Variants in LCP2 observed in about 807,000 individuals in gnomAD.
The protein encoded by LCP2 is 76 kDa tyrosine phosphoprotein.
In LCP2, 29 loss-of-function variants were observed where a neutral mutation model predicts 74.5. The observed-to-expected ratio is 0.39, with a 90% CI of 0.29 to 0.53. The LOEUF (loss-of-function observed/expected upper bound fraction) is 0.53. Ranked by LOEUF, LCP2 falls within the 20% of genes least tolerant of loss-of-function variation. LCP2 has a pLI of 0.72. For synonymous variants in LCP2, 228 were observed against 229.5 expected (o/e 0.99, Z 0.06); for missense variants, 604 against 634.6 (o/e 0.95, Z 0.52).
Position 170,274,651 on chromosome 5 carries a change from C to T in LCP2, c.287-313G>A, listed in dbSNP as rs116280889. On this transcript the variant is annotated intron_variant, in intron 5 of 20. Coordinates refer to ENST00000046794, the MANE Select transcript of LCP2 (RefSeq NM_005565.5). ...GCCTACAGCTTCTGACTCAGTGGGA[C>T]AGGCTGGGCCCCAGGAATCTGCATT... Among the ~76,000 whole-genome samples, 213 of 152,260 alleles carry T rather than the reference C, an allele frequency of 1.4e-3. 1 individual carries two copies. The highest frequency in any genetic ancestry group is 4.9e-3 in the African/African-American group (204 of 41,548).
At chr5:170,257,601 G>A (rs1761578467) in intron 16 of LCP2, among the ~76,000 whole-genome samples, 1 of 152,096 alleles carries the variant, frequency 6.6e-6, no homozygotes, top group Non-Finnish European at 1.5e-5. Flanking sequence ...CTGCTACTGA[G>A]AAAACAGGGG....
chr5:170,267,249 CT>C, intron 8 of LCP2, 174 bp from the exon 9 acceptor site: 1 of 638,308 alleles, frequency 1.6e-6, no homozygotes, highest in South Asian at 1.9e-5. Flanking sequence ...GCTCCCTGTT[CT>C]AGACTCTGCC....
rs886797614 is a variant in LCP2 at position 170,274,485 on chromosome 5, C to T, written c.287-147G>A. On this transcript the variant is annotated intron_variant, in intron 5 of 20. Coordinates refer to ENST00000046794, the MANE Select transcript of LCP2 (RefSeq NM_005565.5). ...CCTCCCACACCCCTGCAGGTTTAGC[C>T]ACTTACTGTCAGCTCCAGCGACCCT... is the stretch of plus-strand genomic sequence containing the variant. The T allele has an allele frequency of 3.7e-5, 29 of 784,350 alleles. 1 individual carries two copies. The South Asian group carries it at 4.5e-4, about 12-fold the overall frequency. 48.6% of individuals were successfully genotyped at this position (784,350 alleles called of 1,614,324 possible).
intron 3 of LCP2, among the ~76,000 whole-genome samples, chr5:170,286,914 G>A (rs1051127233): frequency 1.3e-5 from 2 of 152,166 alleles, no homozygotes; most frequent in African/African-American, 2.4e-5. Flanking sequence ...ACTCAAACTG[G>A]TAACACACAG....
intron 17 of LCP2, among the ~76,000 whole-genome samples, chr5:170,254,104 G>A (rs183858421): frequency 1.5e-4 from 23 of 152,238 alleles, no homozygotes; most frequent in South Asian, 8.3e-4. Context: ...GTAAGGTATC[G>A]TGTGTACATT....
chr5:170,261,328 C>T (rs1435703046), intron 13 of LCP2, among the ~76,000 whole-genome samples, 191 bp from the exon 14 acceptor site: 1 of 151,810 alleles, frequency 6.6e-6, no homozygotes, highest in Non-Finnish European at 1.5e-5. Context: ...CCATGTTCTG[C>T]CATCATTGCA....
At chr5:170,264,782 GAGTGA>G (rs1481606600) in intron 10 of LCP2, among the ~76,000 whole-genome samples, 1 of 151,986 alleles carries the variant, frequency 6.6e-6, no homozygotes, top group African/African-American at 2.4e-5. Flanking sequence ...CTAGGTGACA[GAGTGA>G]GACCCTGACT....
chr5:170,258,298 T>C, intron 15 of LCP2, 132 bp from the exon 16 acceptor site: 1 of 907,238 alleles, frequency 1.1e-6, no homozygotes, highest in Non-Finnish European at 1.7e-6. Flanking sequence ...TCAGATGTAA[T>C]TAGGAAGTAG....
At chr5:170,280,916 A>T (rs1402137727) in intron 3 of LCP2, among the ~76,000 whole-genome samples, 1 of 152,188 alleles carries the variant, frequency 6.6e-6, no homozygotes, top group Admixed American at 6.5e-5. Flanking sequence ...AGGCAGGAGA[A>T]TCGCTTGAAC....
rs547232027 is a variant in LCP2 at position 170,258,344 on chromosome 5, G to A, written c.971-178C>T. 1,589 of 586,186 alleles carry A rather than the reference G, an allele frequency of 2.7e-3. 6 individuals are homozygous for A. The highest frequency in any genetic ancestry group is 0.011 in the Middle Eastern group (24 of 2,170). 36.3% of individuals were successfully genotyped at this position (586,186 alleles called of 1,614,324 possible). A position where few individuals can be genotyped will look rare whatever the true frequency, so the allele number is the denominator to read the frequency against. On this transcript the variant is annotated intron_variant, in intron 15 of 20. Coordinates refer to ENST00000046794, the MANE Select transcript of LCP2 (RefSeq NM_005565.5). ...CCTTGCTCCCAGGGTGTTTCTAGAT[G>A]ACTTAACCACCATAGAATCCATTTA...
intron 2 of LCP2, among the ~76,000 whole-genome samples, chr5:170,289,677 C>A (rs937940719): frequency 1.4e-5 from 2 of 143,636 alleles, no homozygotes; most frequent in African/African-American, 5.3e-5. Flanking sequence ...TTCTTTCTCT[C>A]TCTCTCTCTT....
At chr5:170,275,200 A>G (rs1305843631) in intron 5 of LCP2, 120 bp downstream of exon 5, 3 of 1,083,576 alleles carry the variant, frequency 2.8e-6, no homozygotes, top group Non-Finnish European at 4.2e-6. Context: ...GAACTGGCTG[A>G]CAGACAAGTC....
At chr5:170,279,915 A>G (rs1762071708) in intron 3 of LCP2, among the ~76,000 whole-genome samples, 1 of 152,044 alleles carries the variant, frequency 6.6e-6, no homozygotes, top group Non-Finnish European at 1.5e-5. Flanking sequence ...ACACAAGAGG[A>G]AAGAAACTAT....
intron 20 of LCP2, among the ~76,000 whole-genome samples, chr5:170,249,420 A>T (rs1158707087): frequency 6.6e-6 from 1 of 151,352 alleles, no homozygotes; most frequent in Non-Finnish European, 1.5e-5. Context: ...TTTGAAATGC[A>T]TATATTTTTA....
chr5:170,289,805 T>C (rs996731267), intron 2 of LCP2, among the ~76,000 whole-genome samples: 5 of 148,110 alleles, frequency 3.4e-5, no homozygotes, highest in Non-Finnish European at 7.4e-5. Context: ...TCTGAACTAC[T>C]CCCACTCAGG....
chr5:170,293,103 C>T (rs1762317295), intron 2 of LCP2, among the ~76,000 whole-genome samples: 1 of 152,124 alleles, frequency 6.6e-6, no homozygotes, highest in Admixed American at 6.5e-5. Flanking sequence ...TTGGATTCCT[C>T]CTTAAGGTGT....
intron 4 of LCP2, 146 bp from the exon 5 acceptor site, chr5:170,275,497 A>G (rs1420618731): frequency 2.8e-5 from 25 of 897,216 alleles, no homozygotes; most frequent in Non-Finnish European, 3.8e-5. Flanking sequence ...CTGCTCAGCA[A>G]CTGGGGCTAG....
intron 3 of LCP2, among the ~76,000 whole-genome samples, chr5:170,279,072 C>A (rs1047550469): frequency 8.5e-5 from 13 of 152,106 alleles, no homozygotes; most frequent in Non-Finnish European, 1.5e-5. Context: ...AGGGAGGTGA[C>A]TCATTCTCCC....
At chr5:170,265,900 G>A (rs1761746187) in intron 10 of LCP2, among the ~76,000 whole-genome samples, 1 of 152,216 alleles carries the variant, frequency 6.6e-6, no homozygotes, top group African/African-American at 2.4e-5. Context: ...TTAAAACCCA[G>A]GGTCCTCAAC....
Sources: gnomAD v4.1 joint callset for allele counts (sites outside exome capture counted in the v4.1 genomes callset) on GRCh38, gnomAD v4.1.1 for gene constraint, MANE v1.5 for transcripts, NCBI Gene and HGNC (gene_info 2026-07-23, HGNC 2026-07-21) for gene names.